HECW1: variants seen among roughly 807,000 people sequenced by gnomAD.
The protein encoded by HECW1 is E3 ubiquitin-protein ligase HECW1.
HECW1 carries 61 observed loss-of-function variants against 182.3 expected under a neutral mutation model. The ratio of observed to expected loss-of-function variants is 0.33; its 90% CI spans 0.27 to 0.41. The LOEUF (loss-of-function observed/expected upper bound fraction) is 0.41, where lower values mean the gene tolerates loss of function less well. Among genes scored for constraint, HECW1 ranks in the 10% least tolerant of loss-of-function variants. HECW1 has a pLI of 1.00. For missense variants in HECW1, 1,739 were observed against 2,108.9 expected (o/e 0.82, Z 3.44); for synonymous variants, 859 against 832.6 (o/e 1.03, Z -0.55).
At chr7:43,535,405 G>T (rs1253516324) in intron 24 of HECW1, among the ~76,000 whole-genome samples, 1 of 152,178 alleles carries the variant, frequency 6.6e-6, no homozygotes, top group Admixed American at 6.5e-5. Context: ...GGTCAGAGTG[G>T]CTGTAGTTTT....
intron 3 of HECW1, chr7:43,248,647 T>C (rs1799674811): frequency 1.3e-5 from 2 of 153,092 alleles, no homozygotes; most frequent in South Asian, 3.6e-4. Flanking sequence ...GAACCTCCAT[T>C]GTAAGGCCGG....
At chr7:43,418,882 T>C (rs913482759) in intron 8 of HECW1, among the ~76,000 whole-genome samples, 1 of 152,212 alleles carries the variant, frequency 6.6e-6, no homozygotes. Flanking sequence ...GTTAATGTTA[T>C]ACTGAAGAGA....
At chr7:43,371,434 G>A (rs10273324) in intron 6 of HECW1, among the ~76,000 whole-genome samples, 58,039 of 151,850 alleles carry the variant, frequency 0.38, 11,276 homozygotes, top group Non-Finnish European at 0.42. Flanking sequence ...TTTCTGCTCA[G>A]TTTTGCTGTG....
chr7:43,310,217 C>G (rs996393400), intron 3 of HECW1, among the ~76,000 whole-genome samples: 2 of 152,172 alleles, frequency 1.3e-5, no homozygotes, highest in South Asian at 4.1e-4. Context: ...TGGACAGAGC[C>G]TCCTGGAGGG....
intron 8 of HECW1, among the ~76,000 whole-genome samples, chr7:43,416,774 TG>T (rs2076017702): frequency 6.8e-6 from 1 of 147,336 alleles, no homozygotes; most frequent in African/African-American, 2.5e-5. Flanking sequence ...AATATTCGGG[TG>T]GGAGTGACCC....
rs1401276087 is a variant in HECW1, at chr7:43,338,064, C to T, written c.460+17322C>T. ...ACTCAGTCCTCCACCATCTGACCAGCCAAGATTATTCTCTCCACTTAGATT... is the reference window on the plus strand; with the variant it reads ...ACTCAGTCCTCCACCATCTGACCAGTCAAGATTATTCTCTCCACTTAGATT... On this transcript the variant is annotated intron_variant, in intron 5 of 29. Transcript: ENST00000395891. Among the ~76,000 whole-genome samples, 6 of 152,290 alleles carry T rather than the reference C, an allele frequency of 3.9e-5. No homozygotes were observed. In the East Asian group the frequency reaches 1.2e-3, roughly 29 times the overall value.
chr7:43,131,346 G>A (rs1786896884), intron 2 of HECW1, among the ~76,000 whole-genome samples: 1 of 152,172 alleles, frequency 6.6e-6, no homozygotes, highest in South Asian at 2.1e-4. Flanking sequence ...TGGGAGTACT[G>A]AGACCTGAAG....
At chr7:43,185,668 C>T (rs1047453836) in intron 2 of HECW1, among the ~76,000 whole-genome samples, 2 of 152,112 alleles carry the variant, frequency 1.3e-5, no homozygotes, top group African/African-American at 4.8e-5. Context: ...TAGGAGAAAG[C>T]ATTTTGGCTT....
intron 3 of HECW1, 73 bp from the exon 4 acceptor site, chr7:43,311,690 C>T (rs745949748): frequency 3.3e-5 from 46 of 1,395,842 alleles, no homozygotes; most frequent in Non-Finnish European, 3.8e-5. Context: ...GCACATCTTT[C>T]GTTTTCGTGT....
chr7:43,223,632 AT>A (rs1378341170), intron 2 of HECW1, among the ~76,000 whole-genome samples: 1 of 152,008 alleles, frequency 6.6e-6, no homozygotes, highest in Non-Finnish European at 1.5e-5. Flanking sequence ...AAAAAAAAAA[AT>A]ATGCCAAGTT....
At chr7:43,397,611 A>G (rs1022431928) in intron 7 of HECW1, among the ~76,000 whole-genome samples, 1 of 152,186 alleles carries the variant, frequency 6.6e-6, no homozygotes, top group Admixed American at 6.5e-5. Context: ...GATCTCACCA[A>G]GTACATTTCA....
intron 2 of HECW1, among the ~76,000 whole-genome samples, chr7:43,177,211 G>A (rs998912454): frequency 4.6e-5 from 7 of 152,076 alleles, no homozygotes; most frequent in Non-Finnish European, 7.4e-5. Context: ...CACACATTTG[G>A]GATTAAGTGG....
At position 43,164,224 on chromosome 7, in the gene HECW1, C is replaced by A. The variant is rs1421546444; in HGVS notation, c.-32+49833C>A. On this transcript the variant is annotated intron_variant, in intron 2 of 29. Coordinates refer to ENST00000395891, the MANE Select transcript of HECW1 (RefSeq NM_015052.5). ...TCTGCATGGGCTGGAGACAGGGAGG[C>A]AGCAGAGAAGGCAGGAGGAGGAAGG... is the stretch of plus-strand genomic sequence containing the variant. 2.6e-5 allele frequency among the ~76,000 whole-genome samples: 4 copies of A among 152,204 alleles called. No individual in the cohort carries two copies. The East Asian group carries it at 7.7e-4, about 29-fold the overall frequency.
intron 6 of HECW1, among the ~76,000 whole-genome samples, chr7:43,377,330 C>A (rs1461889955): frequency 6.6e-6 from 1 of 152,202 alleles, no homozygotes; most frequent in Non-Finnish European, 1.5e-5. Context: ...CAACTCATTT[C>A]TTTTGCTTCA....
At chr7:43,268,687 G>C (rs908083979) in intron 3 of HECW1, among the ~76,000 whole-genome samples, 1 of 152,110 alleles carries the variant, frequency 6.6e-6, no homozygotes, top group Non-Finnish European at 1.5e-5. Flanking sequence ...CTGTCCACTG[G>C]GCTTTTCCAC....
chr7:43,304,260 T>C (rs1461715663), intron 3 of HECW1, among the ~76,000 whole-genome samples: 1 of 152,026 alleles, frequency 6.6e-6, no homozygotes, highest in Non-Finnish European at 1.5e-5. Flanking sequence ...GCCTCAGGGA[T>C]TCCCGGTGCT....
chr7:43,537,294 A>G (rs2081213285), intron 24 of HECW1, among the ~76,000 whole-genome samples: 1 of 152,226 alleles, frequency 6.6e-6, no homozygotes, highest in Non-Finnish European at 1.5e-5. Context: ...TCTGAACTCT[A>G]TTTATGCCAA....
At chr7:43,550,082 G>C (rs966446793) in intron 26 of HECW1, among the ~76,000 whole-genome samples, 5 of 151,230 alleles carry the variant, frequency 3.3e-5, no homozygotes, top group African/African-American at 1.2e-4. Context: ...GACTAGCCTG[G>C]GCAACATAGA....
At chr7:43,299,436 T>C (rs937153272) in intron 3 of HECW1, among the ~76,000 whole-genome samples, 1 of 152,182 alleles carries the variant, frequency 6.6e-6, no homozygotes, top group African/African-American at 2.4e-5. Context: ...TTCCCTCATC[T>C]GTAAAATTGA....
Sources: allele counts gnomAD v4.1 joint callset (sites outside exome capture counted in the v4.1 genomes callset), GRCh38; gene constraint gnomAD v4.1.1; transcripts MANE v1.5; gene names NCBI Gene and HGNC (gene_info 2026-07-23, HGNC 2026-07-21).